The following SLC44A3 variants were observed in gnomAD, a reference collection of about 807,000 sequenced individuals.
SLC44A3 encodes solute carrier family 44 member 3.
A neutral mutation model predicts 75.4 loss-of-function variants in SLC44A3; 74 were observed. That is an observed-to-expected ratio of 0.98 (90% CI 0.81 to 1.19). SLC44A3 has a LOEUF of 1.19. SLC44A3 is among the 50% of genes most tolerant of loss of function. The pLI is 0.00. For synonymous variants in SLC44A3, 310 were observed against 296.9 expected, an observed-to-expected ratio of 1.04 and a Z score of -0.45; for missense variants, 700 against 778.6, an observed-to-expected ratio of 0.90 and a Z score of 1.20.
At chr1:94,828,691 G>A in intron 5 of SLC44A3, 105 bp downstream of exon 5, 1 of 966,696 alleles carries the variant, frequency 1.0e-6, no homozygotes, top group Non-Finnish European at 1.5e-6. Flanking sequence ...TATCAGAAGA[G>A]CCCCTGCCTG....
intron 9 of SLC44A3, among the ~76,000 whole-genome samples, chr1:94,852,920 G>A (rs900644487): frequency 5.9e-5 from 9 of 152,174 alleles, no homozygotes; most frequent in Non-Finnish European, 1.2e-4. Flanking sequence ...TGCTTTAATT[G>A]AAATGTCTTT....
intron 7 of SLC44A3, among the ~76,000 whole-genome samples, chr1:94,841,086 A>C (rs1487705012): frequency 1.3e-5 from 2 of 152,188 alleles, no homozygotes. Flanking sequence ...CTACACACCC[A>C]GGCACATGGT....
At chr1:94,880,754 T>A (rs909659635) in intron 12 of SLC44A3, among the ~76,000 whole-genome samples, 1 of 152,070 alleles carries the variant, frequency 6.6e-6, no homozygotes, top group Non-Finnish European at 1.5e-5. Flanking sequence ...GGGAAATTAG[T>A]GTTTAGTGGG....
chr1:94,874,045 G>T (rs543463427), intron 12 of SLC44A3, among the ~76,000 whole-genome samples: 2 of 152,138 alleles, frequency 1.3e-5, no homozygotes, highest in East Asian at 3.8e-4. Context: ...GAGATGCCTC[G>T]TGTGTGCGTG....
intron 10 of SLC44A3, among the ~76,000 whole-genome samples, chr1:94,862,788 C>A (rs1390068358): frequency 6.6e-6 from 1 of 152,190 alleles, no homozygotes; most frequent in African/African-American, 2.4e-5. Context: ...CCTCCTAATA[C>A]ACTCATCGCT....
At chr1:94,878,137 GGC>G (rs1668513870) in intron 12 of SLC44A3, among the ~76,000 whole-genome samples, 2 of 152,048 alleles carry the variant, frequency 1.3e-5, no homozygotes, top group African/African-American at 4.8e-5. Flanking sequence ...GGGAGGCTGA[GGC>G]AGGAGAATGG....
chr1:94,828,575 A>T lies in SLC44A3; in HGVS notation c.498A>T (p.Pro166=), dbSNP rs759706729. The T allele has an allele frequency of 5.6e-6, 9 of 1,613,748 alleles. No individual in the cohort carries two copies. In the East Asian group the frequency reaches 2.0e-4, roughly 36 times the overall value. The change falls in exon 5 of 15, where the codon CCA becomes CCT. Residue 166 remains proline, a synonymous_variant. Transcript: ENST00000271227. ...CAGACTCACTGTGTCCCAGGCTACC[A>T]GTTCCTCCAAGGTAAAAGCTTCCAT... is the stretch of plus-strand genomic sequence containing the variant. ...PKADSLCPRL[P]VPPSKSFPLF... is the part of the protein sequence containing the mutation.
chr1:94,890,622 A>T (rs1670101745), intron 12 of SLC44A3, among the ~76,000 whole-genome samples: 1 of 152,228 alleles, frequency 6.6e-6, no homozygotes, highest in African/African-American at 2.4e-5. Flanking sequence ...CTCACAAACC[A>T]TTAGATCCCG....
At chr1:94,891,697 C>A (rs1557897846) in intron 13 of SLC44A3, among the ~76,000 whole-genome samples, 1 of 152,126 alleles carries the variant, frequency 6.6e-6, no homozygotes, top group Non-Finnish European at 1.5e-5. Flanking sequence ...CCGAGGCAGG[C>A]AGATCACTTG....
chr1:94,881,962 G>C (rs941308142), intron 12 of SLC44A3, among the ~76,000 whole-genome samples: 16 of 152,116 alleles, frequency 1.1e-4, no homozygotes, highest in African/African-American at 2.9e-4. Context: ...GGAGGTTGCA[G>C]TGAGCTGAGA....
At chr1:94,889,187 T>C (rs1276670652) in intron 12 of SLC44A3, 2 of 152,164 alleles carry the variant, frequency 1.3e-5, no homozygotes, top group African/African-American at 4.8e-5. Flanking sequence ...TCTCTTCTAC[T>C]TACTCTATTA....
chr1:94,878,866 A>G (rs1395213245), intron 12 of SLC44A3, among the ~76,000 whole-genome samples: 3 of 152,230 alleles, frequency 2.0e-5, no homozygotes, highest in African/African-American at 7.2e-5. Context: ...TGATCTTGGG[A>G]AAACCAGATA....
chr1:94,843,879 G>C (rs530983518), intron 8 of SLC44A3, among the ~76,000 whole-genome samples: 143 of 150,798 alleles, frequency 9.5e-4, no homozygotes, highest in African/African-American at 3.2e-3. Flanking sequence ...GGGGCGGGGT[G>C]GGGGGGGTGG....
chr1:94,822,312 A>G (rs1054613767), intron 2 of SLC44A3, among the ~76,000 whole-genome samples: 1 of 152,178 alleles, frequency 6.6e-6, no homozygotes, highest in Admixed American at 6.5e-5. Context: ...GGAGCTGGAA[A>G]CTGCTTTAAA....
chr1:94,851,275 C>T (rs960223034), intron 9 of SLC44A3, among the ~76,000 whole-genome samples: 1 of 152,170 alleles, frequency 6.6e-6, no homozygotes, highest in Non-Finnish European at 1.5e-5. Flanking sequence ...TTCATTCTTT[C>T]AACAACTATT....
Position 94,839,967 on chromosome 1 carries a change from G to A in SLC44A3, c.690G>A (p.Met230Ile). ...ILALALSLAM[M>I]FTFRFITTLL... ...TTTCAGCCTTGTCTTTGGCCATGAT[G>A]TTTACCTTCAGATTCATCACCACCC... is the stretch of plus-strand genomic sequence containing the variant. Residue 230 changes from methionine (M) to isoleucine (I), a missense_variant, in exon 7 of 15, where the codon ATG becomes ATA. Coordinates refer to ENST00000271227, the MANE Select transcript of SLC44A3 (RefSeq NM_001114106.3). The A allele has an allele frequency of 5.6e-6, 9 of 1,614,054 alleles. No homozygotes were observed. Among genetic ancestry groups the A allele is most frequent in the South Asian group, 2.2e-5 (2 of 91,078 alleles).
chr1:94,893,074 A>G (rs909240167), intron 14 of SLC44A3, among the ~76,000 whole-genome samples: 2 of 152,234 alleles, frequency 1.3e-5, no homozygotes, highest in African/African-American at 2.4e-5. Flanking sequence ...ATATCTGGAA[A>G]TAGCAGGCAG....
At chr1:94,865,193 A>C (rs1265491570) in intron 11 of SLC44A3, among the ~76,000 whole-genome samples, 2 of 152,186 alleles carry the variant, frequency 1.3e-5, no homozygotes, top group African/African-American at 4.8e-5. Context: ...GTAAATGCCA[A>C]ACAGACGGGA....
chr1:94,877,859 C>T (rs981023588), intron 12 of SLC44A3, among the ~76,000 whole-genome samples: 17 of 152,112 alleles, frequency 1.1e-4, no homozygotes, highest in Admixed American at 3.9e-4. Context: ...ATGACTTCAT[C>T]GGGATGCACC....
Sources: gnomAD v4.1 joint callset for allele counts (sites outside exome capture counted in the v4.1 genomes callset) on GRCh38, gnomAD v4.1.1 for gene constraint, MANE v1.5 for transcripts, NCBI Gene and HGNC (gene_info 2026-07-23, HGNC 2026-07-21) for gene names.